Variants in TMED6 observed in about 807,000 individuals in gnomAD.
TMED6 encodes the protein transmembrane p24 trafficking protein 6, also known as transmembrane emp24 domain-containing protein 6.
In TMED6, 17 loss-of-function variants were observed where a neutral mutation model predicts 26.5. The ratio of observed to expected loss-of-function variants is 0.64; its 90% confidence interval spans 0.44 to 0.96. TMED6 has a LOEUF of 0.96. Ranked by LOEUF, TMED6 falls within the 40% of genes least tolerant of loss-of-function variation. The pLI, the probability that TMED6 is intolerant of heterozygous loss-of-function variation, is 0.00. For synonymous variants in TMED6, 107 were observed against 106.2 expected, an observed-to-expected ratio of 1.01 and a Z score of -0.04; for missense variants, 309 against 296.5, an observed-to-expected ratio of 1.04 and a Z score of -0.31.
In TMED6 at chr16:69,343,649, G is replaced by A; in HGVS notation, c.490-9C>T. 1 of 1,608,138 alleles carries A rather than the reference G, an allele frequency of 6.2e-7. No individual in the cohort carries two copies. The highest frequency in any genetic ancestry group is 1.1e-5 in the South Asian group (1 of 90,996). ...ACCTTTTGTGTGCCGTCCTATGAGA[G>A]AGACAATTTTAAGGGGGATTCTTCC... On this transcript the variant is annotated splice_polypyrimidine_tract_variant and intron_variant, in intron 3 of 3. Coordinates refer to ENST00000288025, the MANE Select transcript of TMED6 (RefSeq NM_144676.4).
chr16:69,344,418 G>GAAAACTTCCATTTAC (rs1220217551), intron 3 of TMED6, among the ~76,000 whole-genome samples: 72 of 152,318 alleles, frequency 4.7e-4, no homozygotes, highest in African/African-American at 1.7e-3. Context: ...TGTGTTTCAA[G>GAAAACTTCCATTTAC]AAAACTTCCA....
At chr16:69,343,772 AGTT>A in intron 3 of TMED6, 132 bp from the exon 4 acceptor site, 1 of 733,684 alleles carries the variant, frequency 1.4e-6, no homozygotes. Flanking sequence ...ATACAATGAT[AGTT>A]GTTAAATGTT....
intron 3 of TMED6, among the ~76,000 whole-genome samples, chr16:69,344,786 GA>G (rs1180048596): frequency 7.1e-6 from 1 of 141,298 alleles, no homozygotes; most frequent in African/African-American, 2.7e-5. Context: ...AAAAAAAAAA[GA>G]AAAAAAGAAA....
Position 69,347,813 on chromosome 16 carries a change from AGTT to A in TMED6, c.461_463del (p.Gln154del), listed in dbSNP as rs775588654. Reference sequence around the variant, plus strand: ...CTCAATTGCATCCAGAGTATCATTCAGTTGTTTTCTTTCCTTCTGTTTGTGATC... The same window carrying A: ...CTCAATTGCATCCAGAGTATCATTCAGTTTTCTTTCCTTCTGTTTGTGATC... On this transcript the variant is annotated inframe_deletion, in exon 3 of 4. Transcript: ENST00000288025. The A allele has an allele frequency of 3.1e-6, 5 of 1,614,130 alleles. No individual in the cohort carries two copies. Among genetic ancestry groups the A allele is most frequent in the Non-Finnish European group, 4.2e-6 (5 of 1,180,012 alleles).
chr16:69,349,279 T>A (rs2012738392), intron 2 of TMED6, among the ~76,000 whole-genome samples: 1 of 152,214 alleles, frequency 6.6e-6, no homozygotes, highest in Non-Finnish European at 1.5e-5. Context: ...TAACTGGAGA[T>A]GATGAGATAA....
chr16:69,343,617 G>C lies in TMED6; in HGVS notation c.513C>G (p.Asn171Lys), dbSNP rs1197271301. The change falls in exon 4 of 4, where the codon AAC becomes AAG. Residue 171 changes from asparagine (N) to lysine (K), a missense_variant. Coordinates refer to ENST00000288025, the MANE Select transcript of TMED6 (RefSeq NM_144676.4). The stretch of plus-strand genomic sequence containing the variant: ...AGTATCGCCACATGTGAAAGATATT[G>C]TTCTGCACCTTTTGTGTGCCGTCCT... ...AIEDGTQKVQ[N>K]NIFHMWRYYN... 6.2e-7 allele frequency: 1 copy of C among 1,613,900 alleles called. No individual in the cohort carries two copies. Among genetic ancestry groups the C allele is most frequent in the Middle Eastern group, 1.7e-4 (1 of 6,060 alleles).
rs372704247 is a variant in TMED6 at position 69,347,809 on chromosome 16, A to G, written c.468T>C (p.Asn156=). The stretch of plus-strand genomic sequence containing the variant: ...TTACCTCAATTGCATCCAGAGTATC[A>G]TTCAGTTGTTTTCTTTCCTTCTGTT... ...DHKQKERKQL[N]DTLDAIEDGT... The change falls in exon 3 of 4, where the codon AAT becomes AAC. Residue 156 remains asparagine (N), a synonymous_variant. Coordinates refer to ENST00000288025, the MANE Select transcript of TMED6 (RefSeq NM_144676.4). 415 of 1,614,020 alleles carry G rather than the reference A, an allele frequency of 2.6e-4. No homozygotes were observed. Among genetic ancestry groups the G allele is most frequent in the Non-Finnish European group, 3.3e-4 (393 of 1,180,040 alleles).
chr16:69,350,808 A>G (rs998408751), intron 1 of TMED6, among the ~76,000 whole-genome samples: 2 of 152,212 alleles, frequency 1.3e-5, no homozygotes, highest in African/African-American at 2.4e-5. Flanking sequence ...AAAGTCTCTG[A>G]TAAGTTTATT....
chr16:69,348,026 T>C lies in TMED6; in HGVS notation c.341-90A>G, dbSNP rs530103659. The C allele has an allele frequency of 2.9e-4, 401 of 1,390,032 alleles. 1 individual carries two copies. The Middle Eastern group carries it at 0.019, about 64-fold the overall frequency. 86.1% of individuals were successfully genotyped at this position (1,390,032 alleles called of 1,614,324 possible). On this transcript the variant is annotated intron_variant, in intron 2 of 3. Transcript: ENST00000288025. ...AGGTATCTGTCCTCTAGTTTTGGAA[T>C]TCTACTACAGGACCTTCTTTTTACT...
rs1426959807 is a variant in TMED6 at position 69,347,700 on chromosome 16, T to A, written c.489+88A>T. On this transcript the variant is annotated intron_variant, in intron 3 of 3. Coordinates refer to ENST00000288025, the MANE Select transcript of TMED6 (RefSeq NM_144676.4). ...AAGAAATTCACATCCCCTTGCCTGT[T>A]TGGTTTCTACCTAAATGAAGTCATC... is the stretch of plus-strand genomic sequence containing the variant. 5 of 1,552,484 alleles carry A rather than the reference T, an allele frequency of 3.2e-6. No homozygotes were observed. In the East Asian group the frequency reaches 1.1e-4, roughly 35 times the overall value.
chr16:69,343,345 T>G lies in TMED6; in HGVS notation c.*62A>C, dbSNP rs2142676189. 6.9e-7 allele frequency: 1 copy of G among 1,439,852 alleles called. No homozygotes were observed. Among genetic ancestry groups the G allele is most frequent in the Non-Finnish European group, 9.5e-7 (1 of 1,049,092 alleles). 89.2% of individuals were successfully genotyped at this position (1,439,852 alleles called of 1,614,324 possible). A position where few individuals can be genotyped will look rare whatever the true frequency, so the allele number is the denominator to read the frequency against. ...GATAATTGATTTTTGTCCCATAACATTACAAAGCTGATTCGACTAAGCCCC... is the reference window on the plus strand; with the variant it reads ...GATAATTGATTTTTGTCCCATAACAGTACAAAGCTGATTCGACTAAGCCCC... On this transcript the variant is annotated 3_prime_UTR_variant, in exon 4 of 4. Coordinates refer to ENST00000288025, the MANE Select transcript of TMED6 (RefSeq NM_144676.4).
intron 1 of TMED6, 92 bp from the exon 2 acceptor site, chr16:69,349,743 A>T: frequency 1.3e-6 from 2 of 1,515,824 alleles, no homozygotes; most frequent in East Asian, 4.7e-5. Context: ...GGTCATCAGC[A>T]CAGCGGTCTC....
chr16:69,347,702 G>C, intron 3 of TMED6, 86 bp downstream of exon 3: 1 of 1,552,362 alleles, frequency 6.4e-7, no homozygotes, highest in Non-Finnish European at 8.8e-7. Context: ...TTGCCTGTTT[G>C]GTTTCTACCT....
In TMED6 at chr16:69,351,576, C is replaced by G; in HGVS notation, c.178G>C (p.Ala60Pro). Residue 60 changes from alanine (A) to proline (P), a missense_variant, in exon 1 of 4, where the codon GCC becomes CCC. Coordinates refer to ENST00000288025, the MANE Select transcript of TMED6 (RefSeq NM_144676.4). ...AAATAGAAGTATCCAGTCTGGTGGG[C>G]AAATTGCCAAAAGCATTCCGTGCCT... ...PGGTECFWQF[A>P]HQTGYFYFSY... 2 of 1,614,086 alleles carry G rather than the reference C, an allele frequency of 1.2e-6. No homozygotes were observed. Among genetic ancestry groups the G allele is most frequent in the Non-Finnish European group, 1.7e-6 (2 of 1,180,012 alleles).
At chr16:69,348,469 AG>A (rs397791122) in intron 2 of TMED6, 1 of 6,950 alleles carries the variant, frequency 1.4e-4, no homozygotes, top group Admixed American at 1.8e-3. Context: ...TGCGGGGGGG[AG>A]GGGGGCGCGG....
At chr16:69,347,301 G>A (rs1187556835) in intron 3 of TMED6, among the ~76,000 whole-genome samples, 1 of 152,220 alleles carries the variant, frequency 6.6e-6, no homozygotes, top group East Asian at 1.9e-4. Flanking sequence ...GATTTGGCCT[G>A]TCAGCCATAC....
intron 3 of TMED6, among the ~76,000 whole-genome samples, chr16:69,347,036 T>C (rs2142681067): frequency 6.6e-6 from 1 of 152,158 alleles, no homozygotes; most frequent in East Asian, 1.9e-4. Flanking sequence ...AGACCCTGTC[T>C]CAAAAATTAA....
chr16:69,345,868 G>C (rs1446038389), intron 3 of TMED6, among the ~76,000 whole-genome samples: 1 of 152,046 alleles, frequency 6.6e-6, no homozygotes, highest in African/African-American at 2.4e-5. Context: ...TGTTTGTAGA[G>C]ACAGGGTCTT....
intron 3 of TMED6, among the ~76,000 whole-genome samples, chr16:69,346,490 G>A (rs566818637): frequency 3.9e-5 from 6 of 152,290 alleles, no homozygotes; most frequent in South Asian, 2.1e-4. Flanking sequence ...TTGGCTGGGC[G>A]CGGTGGCTCA....
Sources: allele counts gnomAD v4.1 joint callset (sites outside exome capture counted in the v4.1 genomes callset), GRCh38; gene constraint gnomAD v4.1.1; transcripts MANE v1.5; gene names NCBI Gene and HGNC (gene_info 2026-07-23, HGNC 2026-07-21).